Variants in RERE observed in about 807,000 individuals in gnomAD.
RERE encodes arginine-glutamic acid dipeptide repeats protein.
In RERE, 40 loss-of-function variants were observed where a neutral mutation model predicts 146.1. That is an observed-to-expected ratio of 0.27 (90% CI 0.21 to 0.36). The LOEUF (loss-of-function observed/expected upper bound fraction) is 0.36, where lower values mean the gene tolerates loss of function less well. Among genes scored for constraint, RERE ranks in the 10% least tolerant of loss-of-function variants. The pLI is 1.00. For synonymous variants in RERE, 1,003 were observed against 866.0 expected, an observed-to-expected ratio of 1.16 and a Z score of -2.78; for missense variants, 1,933 against 2,138.7, an observed-to-expected ratio of 0.90 and a Z score of 1.90.
At chr1:8,509,119 T>C (rs935278706) in intron 7 of RERE, among the ~76,000 whole-genome samples, 6 of 152,150 alleles carry the variant, frequency 3.9e-5, no homozygotes, top group African/African-American at 1.4e-4. Context: ...GTAAATTTTG[T>C]AATTTTAATA....
chr1:8,612,080 T>C (rs574334064), intron 4 of RERE, among the ~76,000 whole-genome samples: 7 of 152,232 alleles, frequency 4.6e-5, no homozygotes, highest in African/African-American at 1.7e-4. Context: ...ATCATTAGTG[T>C]AGAAACACAG....
At chr1:8,549,347 G>C (rs1645906714) in intron 6 of RERE, among the ~76,000 whole-genome samples, 1 of 152,176 alleles carries the variant, frequency 6.6e-6, no homozygotes, top group South Asian at 2.1e-4. Flanking sequence ...CCAATCTGAA[G>C]TAGCTCCTAA....
chr1:8,457,395 C>G (rs1402319652), intron 11 of RERE, among the ~76,000 whole-genome samples: 1 of 152,134 alleles, frequency 6.6e-6, no homozygotes, highest in Admixed American at 6.5e-5. Flanking sequence ...TATAAAGGTA[C>G]TTCGGAAAAA....
In RERE at chr1:8,770,965, G is replaced by A. The variant is rs538189537; in HGVS notation, c.-145+46195C>T. Among the ~76,000 whole-genome samples the A allele has an allele frequency of 2.0e-4, 31 of 152,204 alleles. No homozygotes were observed. In the South Asian group the frequency reaches 6.2e-3, roughly 31 times the overall value. ...CTGTAATTATTAAAAAATAAACTATGTGTGCACCTATTTGGGGAAATGTTC... is the reference window on the plus strand; with the variant it reads ...CTGTAATTATTAAAAAATAAACTATATGTGCACCTATTTGGGGAAATGTTC... On this transcript the variant is annotated intron_variant, in intron 1 of 22. Transcript: ENST00000400908.
chr1:8,487,984 T>C (rs1226624003), intron 10 of RERE, among the ~76,000 whole-genome samples: 1 of 151,626 alleles, frequency 6.6e-6, no homozygotes, highest in African/African-American at 2.4e-5. Flanking sequence ...CATGCACTTG[T>C]AGTCCCAGCT....
At chr1:8,631,317 T>C (rs937938741) in intron 2 of RERE, among the ~76,000 whole-genome samples, 4 of 152,218 alleles carry the variant, frequency 2.6e-5, no homozygotes, top group African/African-American at 7.2e-5. Context: ...GAGGACTGCC[T>C]GTGCCCTGGA....
At chr1:8,355,958 C>A (rs1641273290) in intron 21 of RERE, 142 bp downstream of exon 21, 3 of 866,844 alleles carry the variant, frequency 3.5e-6, no homozygotes, top group South Asian at 4.4e-5. Context: ...CTTGTTCCCC[C>A]ACGGACCCCC....
At chr1:8,509,001 G>A (rs560285390) in intron 7 of RERE, among the ~76,000 whole-genome samples, 39 of 152,172 alleles carry the variant, frequency 2.6e-4, no homozygotes, top group African/African-American at 7.7e-4. Context: ...TGCAACCTCC[G>A]CCTCTTGGGT....
At chr1:8,362,375 C>G (rs891356538) in intron 16 of RERE, among the ~76,000 whole-genome samples, 4 of 152,192 alleles carry the variant, frequency 2.6e-5, no homozygotes, top group Admixed American at 1.3e-4. Context: ...TGGAGCCAAT[C>G]TCTAATGGAT....
intron 7 of RERE, among the ~76,000 whole-genome samples, chr1:8,540,383 G>C (rs1226502999): frequency 6.6e-6 from 1 of 152,172 alleles, no homozygotes; most frequent in Non-Finnish European, 1.5e-5. Context: ...AAGGTTCTAG[G>C]ATTACAGGCA....
At chr1:8,636,239 C>T (rs1290144591) in intron 2 of RERE, among the ~76,000 whole-genome samples, 2 of 152,188 alleles carry the variant, frequency 1.3e-5, no homozygotes, top group South Asian at 2.1e-4. Flanking sequence ...CTACCCACCT[C>T]GGCCTCCCAA....
intron 11 of RERE, among the ~76,000 whole-genome samples, chr1:8,447,783 C>T (rs1203452588): frequency 6.6e-6 from 1 of 152,242 alleles, no homozygotes; most frequent in Non-Finnish European, 1.5e-5. Flanking sequence ...GAGTGTGCGG[C>T]ACTTGCCTGC....
At chr1:8,689,846 C>T (rs1639172642) in intron 1 of RERE, among the ~76,000 whole-genome samples, 1 of 151,664 alleles carries the variant, frequency 6.6e-6, no homozygotes, top group African/African-American at 2.4e-5. Context: ...GTGGGAAACT[C>T]AATGAACTGC....
intron 10 of RERE, among the ~76,000 whole-genome samples, chr1:8,474,778 C>G (rs1644731786): frequency 6.6e-6 from 1 of 152,186 alleles, no homozygotes; most frequent in South Asian, 2.1e-4. Flanking sequence ...CTGGCAGTTT[C>G]TACTATGCCA....
At chr1:8,751,515 C>A (rs1640535635) in intron 1 of RERE, among the ~76,000 whole-genome samples, 1 of 152,188 alleles carries the variant, frequency 6.6e-6, no homozygotes, top group Admixed American at 6.5e-5. Flanking sequence ...AGTGACTAAA[C>A]TACACCGAAG....
intron 11 of RERE, among the ~76,000 whole-genome samples, chr1:8,428,300 C>G (rs1644045369): frequency 6.6e-6 from 1 of 152,192 alleles, no homozygotes; most frequent in South Asian, 2.1e-4. Context: ...ACTTGTTTCT[C>G]TGGTGTGTTC....
At chr1:8,577,527 T>G (rs1445034421) in intron 4 of RERE, among the ~76,000 whole-genome samples, 3 of 152,184 alleles carry the variant, frequency 2.0e-5, no homozygotes, top group African/African-American at 7.2e-5. Flanking sequence ...TTAAAGAAGT[T>G]ACACGTTTTC....
chr1:8,575,982 T>C (rs116362372), intron 4 of RERE, among the ~76,000 whole-genome samples: 401 of 152,238 alleles, frequency 2.6e-3, no homozygotes, highest in African/African-American at 9.4e-3. Flanking sequence ...TAACTAAGTA[T>C]ATAACCTATA....
intron 1 of RERE, among the ~76,000 whole-genome samples, chr1:8,695,035 C>T (rs1037574615): frequency 2.1e-5 from 3 of 142,324 alleles, no homozygotes; most frequent in East Asian, 2.1e-4. Flanking sequence ...TATAAGGCTA[C>T]GGTAATCAAA....
Sources: allele counts gnomAD v4.1 joint callset (sites outside exome capture counted in the v4.1 genomes callset), GRCh38; gene constraint gnomAD v4.1.1; transcripts MANE v1.5; gene names NCBI Gene and HGNC (gene_info 2026-07-23, HGNC 2026-07-21).